TRPC5: variants seen among roughly 807,000 people sequenced by gnomAD.
TRPC5 encodes the protein short transient receptor potential channel 5.
In TRPC5, 9 loss-of-function variants were observed where a neutral mutation model predicts 56.5. That is an observed-to-expected ratio of 0.16 (90% CI 0.10 to 0.28). The LOEUF is 0.28. Among genes scored for constraint, TRPC5 ranks in the 10% least tolerant of loss-of-function variants. The pLI is 1.00. For missense variants in TRPC5, 469 were observed against 748.9 expected (o/e 0.63, Z 4.36); for synonymous variants, 282 against 278.5 (o/e 1.01, Z -0.13).
At chrX:112,009,179 C>T (rs1928924991) in intron 1 of TRPC5, among the ~76,000 whole-genome samples, 1 of 111,980 alleles carries the variant, frequency 8.9e-6, no homozygotes, top group South Asian at 3.8e-4. Context: ...TCCTCTGCCA[C>T]TGCAGAAGAG....
At chrX:111,944,303 T>TGTGTGTGTGTGTGAGAAAGA (rs1173179815) in intron 2 of TRPC5, among the ~76,000 whole-genome samples, 3 of 61,393 alleles carry the variant, frequency 4.9e-5, no homozygotes, top group African/African-American at 3.2e-4. Flanking sequence ...TGTGTGTGTG[T>TGTGTGTGTGTGTGAGAAAGA]GAGAGAGAGA....
intron 2 of TRPC5, among the ~76,000 whole-genome samples, chrX:111,928,446 G>C (rs1392411462): frequency 9.0e-6 from 1 of 110,962 alleles, no homozygotes; most frequent in Non-Finnish European, 1.9e-5. Flanking sequence ...TACATTTTGA[G>C]AGAAAAAAAA....
At chrX:112,018,198 A>G (rs189992314) in intron 1 of TRPC5, among the ~76,000 whole-genome samples, 45 of 112,631 alleles carry the variant, frequency 4.0e-4, no homozygotes, top group African/African-American at 1.4e-3. Context: ...CTAGACTGTC[A>G]GCTCCATGAG....
intron 7 of TRPC5, among the ~76,000 whole-genome samples, chrX:111,825,213 TTCTTTCTTCTTTCTTTC>T (rs1569525922): frequency 2.8e-4 from 22 of 78,465 alleles, no homozygotes; most frequent in Non-Finnish European, 4.7e-4. Context: ...CTTTCTTTCT[TTCTTTCTTCTTTCTTTC>T]TCTCTCTCTC....
intron 1 of TRPC5, among the ~76,000 whole-genome samples, chrX:112,065,474 A>G (rs1322199509): frequency 8.9e-6 from 1 of 111,811 alleles, no homozygotes; most frequent in Non-Finnish European, 1.9e-5. Context: ...TCGATTTAGG[A>G]TATTGCCTTC....
chrX:111,901,028 G>A (rs1202798358), intron 3 of TRPC5, among the ~76,000 whole-genome samples: 1 of 111,567 alleles, frequency 9.0e-6, no homozygotes, highest in Non-Finnish European at 1.9e-5. Flanking sequence ...TGCTAGATAT[G>A]GAAGTGGGGC....
At chrX:111,967,830 T>G (rs1192632086) in intron 1 of TRPC5, among the ~76,000 whole-genome samples, 1 of 111,902 alleles carries the variant, frequency 8.9e-6, no homozygotes, top group Non-Finnish European at 1.9e-5. Flanking sequence ...ATTCAGGATG[T>G]ATTAAAGACT....
intron 1 of TRPC5, among the ~76,000 whole-genome samples, chrX:111,994,564 C>T (rs1420100832): frequency 1.8e-5 from 2 of 111,406 alleles, no homozygotes; most frequent in Non-Finnish European, 3.8e-5. Context: ...TTGTTTGTGT[C>T]CTCTTTTATT....
chrX:111,831,218 C>G (rs758949445), intron 7 of TRPC5, among the ~76,000 whole-genome samples: 1 of 112,354 alleles, frequency 8.9e-6, no homozygotes, highest in South Asian at 3.7e-4. Flanking sequence ...TGGAGTGGCA[C>G]CTATTTACCA....
At chrX:111,800,209 C>G (rs1200579574) in intron 7 of TRPC5, among the ~76,000 whole-genome samples, 1 of 111,634 alleles carries the variant, frequency 9.0e-6, no homozygotes, top group Non-Finnish European at 1.9e-5. Context: ...TCTTTCCCTT[C>G]CTCTTCAGCC....
At chrX:111,777,844 A>G (rs1249285485) in intron 10 of TRPC5, among the ~76,000 whole-genome samples, 1 of 110,946 alleles carries the variant, frequency 9.0e-6, no homozygotes, top group African/African-American at 3.3e-5. Flanking sequence ...GTCTGTCTTG[A>G]CTCCCCAAGT....
chrX:111,952,035 T>A lies in TRPC5; in HGVS notation c.378+8A>T, dbSNP rs759119306. Reference sequence around the variant, plus strand: ...GGCTATTTCCCAGCCTATAGGAATTTCTCTTACCTGCTTCTCTCCGCTGGG... The same window carrying A: ...GGCTATTTCCCAGCCTATAGGAATTACTCTTACCTGCTTCTCTCCGCTGGG... On this transcript the variant is annotated splice_region_variant and intron_variant, in intron 2 of 10. Transcript: ENST00000262839. 8.4e-7 allele frequency: 1 copy of A among 1,197,190 alleles called. No individual in the cohort carries two copies. The highest frequency in any genetic ancestry group is 2.2e-5 in the Admixed American group (1 of 44,920).
chrX:111,854,209 A>C lies in TRPC5; in HGVS notation c.901-103T>G. The C allele has an allele frequency of 5.7e-6, 5 of 875,903 alleles. No individual in the cohort carries two copies. In the South Asian group the frequency reaches 1.3e-4, roughly 22 times the overall value. The allele number at this position is 875,903 out of a possible 1,213,427, so 72.2% of individuals were successfully genotyped here. ...ACAGTCAGCTCTGGCAAGGAGTTAC[A>C]TGGCCAATCCCCAGAAGAGGCCTGT... On this transcript the variant is annotated intron_variant, in intron 3 of 10. Transcript: ENST00000262839.
intron 7 of TRPC5, among the ~76,000 whole-genome samples, chrX:111,795,736 G>A (rs1921067083): frequency 9.0e-6 from 1 of 111,633 alleles, no homozygotes; most frequent in Non-Finnish European, 1.9e-5. Flanking sequence ...ACTCTTAGAT[G>A]TATAGATTAA....
At chrX:111,786,984 C>A (rs988331788) in intron 7 of TRPC5, among the ~76,000 whole-genome samples, 27 of 111,032 alleles carry the variant, frequency 2.4e-4, no homozygotes, top group Non-Finnish European at 4.9e-4. Context: ...TTACACCCCA[C>A]TGTCAATATT....
At chrX:112,021,750 G>A (rs190256533) in intron 1 of TRPC5, among the ~76,000 whole-genome samples, 47 of 111,862 alleles carry the variant, frequency 4.2e-4, no homozygotes, top group South Asian at 1.1e-3. Flanking sequence ...GTGTTATGTC[G>A]GCATGCATGT....
chrX:111,952,224 A>G lies in TRPC5; in HGVS notation c.197T>C (p.Met66Thr). Residue 66 changes from methionine (M) to threonine (T), a missense_variant, in exon 2 of 11, where the codon ATG becomes ACG. By Grantham distance (81) the Met-to-Thr change is moderately conservative. This residue lies in a region of TRPC5 where 118 missense variants were observed against 167.1 expected (regional missense o/e 0.71). Coordinates refer to ENST00000262839, the MANE Select transcript of TRPC5 (RefSeq NM_012471.3). ...CAGGGCACTCCGGCCCAAGGGGTCCATGCAGTTGATGTTAACATTATAGTA... is the reference window on the plus strand; with the variant it reads ...CAGGGCACTCCGGCCCAAGGGGTCCGTGCAGTTGATGTTAACATTATAGTA... ...EIYYNVNINC[M>T]DPLGRSALLI... 1 of 1,211,935 alleles carries G rather than the reference A, an allele frequency of 8.3e-7. No individual in the cohort carries two copies. Among genetic ancestry groups the G allele is most frequent in the Middle Eastern group, 2.3e-4 (1 of 4,354 alleles).
intron 3 of TRPC5, among the ~76,000 whole-genome samples, chrX:111,884,116 G>C (rs759894351): frequency 2.7e-5 from 3 of 112,579 alleles, no homozygotes; most frequent in African/African-American, 9.7e-5. Context: ...AACTAGTTAA[G>C]GTATAGCCAG....
At chrX:112,048,302 G>A (rs1413257263) in intron 1 of TRPC5, among the ~76,000 whole-genome samples, 1 of 107,875 alleles carries the variant, frequency 9.3e-6, no homozygotes, top group East Asian at 2.9e-4. Flanking sequence ...TTGGGAGGCT[G>A]AGGCAGGAGA....
Sources: allele counts gnomAD v4.1 joint callset (sites outside exome capture counted in the v4.1 genomes callset), GRCh38; gene constraint gnomAD v4.1.1; regional missense constraint gnomAD v4.1.1; transcripts MANE v1.5; gene names NCBI Gene and HGNC (gene_info 2026-07-23, HGNC 2026-07-21).